Variants in ATP8B1 observed in about 807,000 individuals in gnomAD.
The protein encoded by ATP8B1 is phospholipid-transporting ATPase IC.
In ATP8B1, 80 loss-of-function variants were observed where a neutral mutation model predicts 149.9. The ratio of observed to expected loss-of-function variants is 0.53; its 90% CI spans 0.45 to 0.64. The LOEUF (loss-of-function observed/expected upper bound fraction) is 0.64. ATP8B1 is among the 30% of genes least tolerant of loss of function. The pLI, the probability that ATP8B1 is intolerant of heterozygous loss-of-function variation, is 0.00. For synonymous variants in ATP8B1, 536 were observed against 562.8 expected (o/e 0.95, Z 0.67); for missense variants, 1,247 against 1,552.6 (o/e 0.80, Z 3.31).
intron 2 of ATP8B1, among the ~76,000 whole-genome samples, chr18:57,713,180 TTTCTTTCTTTCTTTCTTTCCTTCC>T (rs1913779054): frequency 1.1e-5 from 1 of 88,240 alleles, no homozygotes; most frequent in Non-Finnish European, 2.2e-5. Flanking sequence ...TCTTTCTTTC[TTTCTTTCTTTCTTTCTTTCCTTCC>T]TTCCTTCCTT....
At chr18:57,786,659 C>T (rs887116657) in intron 1 of ATP8B1, among the ~76,000 whole-genome samples, 6 of 152,222 alleles carry the variant, frequency 3.9e-5, no homozygotes, top group Admixed American at 2.0e-4. Flanking sequence ...GAGTCCCTCA[C>T]TTTGGTCTGG....
intron 19 of ATP8B1, chr18:57,667,738 C>CG (rs1172535384): frequency 1.4e-4 from 25 of 176,550 alleles, no homozygotes; most frequent in Admixed American, 1.2e-3. Context: ...CTGTTATTGG[C>CG]GGGGGGCGGG....
intron 15 of ATP8B1, 77 bp downstream of exon 15, chr18:57,683,959 A>G: frequency 6.5e-7 from 1 of 1,546,944 alleles, no homozygotes; most frequent in South Asian, 1.1e-5. Flanking sequence ...CTTGACATGC[A>G]TTTGAGCCAT....
At chr18:57,672,813 C>T (rs1485184190) in intron 16 of ATP8B1, among the ~76,000 whole-genome samples, 7 of 137,964 alleles carry the variant, frequency 5.1e-5, no homozygotes, top group Non-Finnish European at 3.0e-5. Flanking sequence ...TTGCAGTGAG[C>T]CGAGATAGCA....
At chr18:57,707,252 C>T (rs146962481) in intron 2 of ATP8B1, among the ~76,000 whole-genome samples, 18 of 151,976 alleles carry the variant, frequency 1.2e-4, no homozygotes, top group East Asian at 7.8e-4. Context: ...GCTGAGATTG[C>T]GCCACTGCAC....
intron 20 of ATP8B1, among the ~76,000 whole-genome samples, chr18:57,664,501 G>GAAGA (rs1910735917): frequency 3.0e-5 from 3 of 99,494 alleles, no homozygotes; most frequent in African/African-American, 4.3e-5. Flanking sequence ...GTCTTTCTAA[G>GAAGA]AAAAAAAAAA....
intron 1 of ATP8B1, among the ~76,000 whole-genome samples, chr18:57,742,218 A>G (rs1003519768): frequency 6.6e-6 from 1 of 152,204 alleles, no homozygotes; most frequent in African/African-American, 2.4e-5. Context: ...TGACAGTTGT[A>G]ATTAGATAAA....
At chr18:57,668,831 G>A in intron 18 of ATP8B1, 1 of 367,308 alleles carries the variant, frequency 2.7e-6, no homozygotes, top group Non-Finnish European at 4.9e-6. Context: ...GTGTATTTGT[G>A]GCTTTATACT....
intron 1 of ATP8B1, among the ~76,000 whole-genome samples, chr18:57,786,834 A>G (rs2080415224): frequency 6.6e-6 from 1 of 152,382 alleles, no homozygotes; most frequent in East Asian, 1.9e-4. Flanking sequence ...CATGAAAACT[A>G]GAAACACAAA....
At chr18:57,688,146 C>A (rs116331724) in intron 13 of ATP8B1, among the ~76,000 whole-genome samples, 153 bp downstream of exon 13, 2 of 152,152 alleles carry the variant, frequency 1.3e-5, no homozygotes, top group African/African-American at 4.8e-5. Flanking sequence ...CCATGGTGCT[C>A]CTCTGGTGCT....
At chr18:57,731,013 G>C (rs2079759177) in intron 2 of ATP8B1, among the ~76,000 whole-genome samples, 1 of 152,032 alleles carries the variant, frequency 6.6e-6, no homozygotes, top group African/African-American at 2.4e-5. Context: ...ATATACACTG[G>C]CTACGCATCG....
chr18:57,795,341 T>C (rs1291886068), intron 1 of ATP8B1, among the ~76,000 whole-genome samples: 2 of 150,422 alleles, frequency 1.3e-5, no homozygotes, highest in Non-Finnish European at 3.0e-5. Context: ...AGTTCAAAGC[T>C]GCAGTAAGCT....
chr18:57,678,462 C>G (rs889298470), intron 15 of ATP8B1, among the ~76,000 whole-genome samples: 2 of 151,950 alleles, frequency 1.3e-5, no homozygotes, highest in African/African-American at 4.8e-5. Flanking sequence ...TGGTATGCAC[C>G]TGTAATCCCA....
intron 12 of ATP8B1, among the ~76,000 whole-genome samples, chr18:57,691,175 CAAAAAA>C (rs530091842): frequency 1.7e-5 from 1 of 58,876 alleles, no homozygotes; most frequent in African/African-American, 5.0e-5. Flanking sequence ...AACTCCATCT[CAAAAAA>C]AAAAAAAAAA....
At chr18:57,791,351 C>CTTTTTTTT (rs570282416) in intron 1 of ATP8B1, among the ~76,000 whole-genome samples, 22 of 82,374 alleles carry the variant, frequency 2.7e-4, no homozygotes, top group African/African-American at 8.8e-4. Flanking sequence ...CTTTTCTTTT[C>CTTTTTTTT]TTTTTTTTTT....
intron 1 of ATP8B1, among the ~76,000 whole-genome samples, chr18:57,793,937 G>T (rs1356847827): frequency 6.6e-6 from 1 of 152,164 alleles, no homozygotes; most frequent in Non-Finnish European, 1.5e-5. Context: ...TTTTCATGTT[G>T]TTCTACAGAA....
In ATP8B1 at chr18:57,680,665, T is replaced by C. The variant is rs1385368334; in HGVS notation, c.1630+3371A>G. On this transcript the variant is annotated intron_variant, in intron 15 of 27. Coordinates refer to ENST00000648908, the MANE Select transcript of ATP8B1 (RefSeq NM_001374385.1). Reference sequence around the variant, plus strand: ...AAAAACAAGCCCTAGCTCTCAGATGTCTTTTTCTCCTCAATCCTCTCACCC... The same window carrying C: ...AAAAACAAGCCCTAGCTCTCAGATGCCTTTTTCTCCTCAATCCTCTCACCC... Among the ~76,000 whole-genome samples the C allele has an allele frequency of 3.4e-5, 5 of 148,442 alleles. No homozygotes were observed. The East Asian group carries it at 1.0e-3, about 31-fold the overall frequency.
intron 1 of ATP8B1, among the ~76,000 whole-genome samples, chr18:57,783,817 AGAGT>A (rs2080380215): frequency 6.6e-6 from 1 of 152,178 alleles, no homozygotes; most frequent in Non-Finnish European, 1.5e-5. Flanking sequence ...CCTGGGTGGC[AGAGT>A]GAGACCCCGT....
chr18:57,795,525 C>T (rs1026767513), intron 1 of ATP8B1, among the ~76,000 whole-genome samples: 1 of 151,990 alleles, frequency 6.6e-6, no homozygotes, highest in Non-Finnish European at 1.5e-5. Context: ...TTATTCAGCC[C>T]TAAAAAAGGA....
Sources: gnomAD v4.1 joint callset for allele counts (sites outside exome capture counted in the v4.1 genomes callset) on GRCh38, gnomAD v4.1.1 for gene constraint, MANE v1.5 for transcripts, NCBI Gene and HGNC (gene_info 2026-07-23, HGNC 2026-07-21) for gene names.